Variants in RUVBL2 observed in about 807,000 individuals in gnomAD.
RUVBL2 encodes the protein ruvB-like 2.
In RUVBL2, 9 loss-of-function variants were observed where a neutral mutation model predicts 57.9. That is an observed-to-expected ratio of 0.16 (90% confidence interval 0.09 to 0.27). RUVBL2 has a LOEUF of 0.27. Among genes scored for constraint, RUVBL2 ranks in the 10% least tolerant of loss-of-function variants. The pLI, the probability that RUVBL2 is intolerant of heterozygous loss-of-function variation, is 1.00. For missense variants in RUVBL2, 456 were observed against 669.6 expected (o/e 0.68, Z 3.52); for synonymous variants, 278 against 264.6 (o/e 1.05, Z -0.49).
At chr19:48,993,741 G>A (rs115137682), upstream of RUVBL2, 6,646 of 797,496 alleles carry the variant, frequency 8.3e-3, 304 homozygotes, top group African/African-American at 0.098. Context: ...GTCTTCCAGC[G>A]CAGCCTCGGT....
chr19:49,009,895 G>C lies in RUVBL2; in HGVS notation c.569+13G>C, dbSNP rs764447634. ...AGGTCCAGGCCGGGTGAGCAGTCAGGGGCCATGCCAGGCAGCCAGGGGGAT... is the reference window on the plus strand; with the variant it reads ...AGGTCCAGGCCGGGTGAGCAGTCAGCGGCCATGCCAGGCAGCCAGGGGGAT... On this transcript the variant is annotated intron_variant, in intron 7 of 14. Coordinates refer to ENST00000595090, the MANE Select transcript of RUVBL2 (RefSeq NM_006666.3). 6.2e-7 allele frequency: 1 copy of C among 1,613,776 alleles called. No homozygotes were observed.
At position 49,014,471 on chromosome 19, in the gene RUVBL2, G is replaced by A. The variant is rs752391254; in HGVS notation, c.1002-13G>A. Reference sequence around the variant, plus strand: ...ATGCCCCTGACAGCCCCCTCTTTCTGCCTCTTCCTCAGAATCCGGGGCACC... The same window carrying A: ...ATGCCCCTGACAGCCCCCTCTTTCTACCTCTTCCTCAGAATCCGGGGCACC... On this transcript the variant is annotated splice_polypyrimidine_tract_variant and intron_variant, in intron 11 of 14. Coordinates refer to ENST00000595090, the MANE Select transcript of RUVBL2 (RefSeq NM_006666.3). 14 of 1,612,612 alleles carry A rather than the reference G, an allele frequency of 8.7e-6. No individual in the cohort carries two copies. The East Asian group carries it at 1.8e-4, about 21-fold the overall frequency.
intron 12 of RUVBL2, 21 bp from the exon 13 acceptor site, chr19:49,015,000 C>A (rs1568644455): frequency 3.2e-6 from 5 of 1,583,178 alleles, no homozygotes. Flanking sequence ...CTGAGCCACC[C>A]CTGTCCCCCA....
At chr19:48,993,583 TAA>T, upstream of RUVBL2, 1 of 486,858 alleles carries the variant, frequency 2.1e-6, no homozygotes, top group Non-Finnish European at 3.7e-6. Context: ...GAGGGTGGGA[TAA>T]AGAGGAAAGG....
chr19:49,013,086 C>T (rs1373864119), intron 11 of RUVBL2, among the ~76,000 whole-genome samples: 1 of 152,194 alleles, frequency 6.6e-6, no homozygotes, highest in Non-Finnish European at 1.5e-5. Context: ...GCCTCAGCCT[C>T]CTGAGTAGCT....
chr19:49,000,309 C>A (rs1444675619), intron 2 of RUVBL2, among the ~76,000 whole-genome samples: 2 of 152,264 alleles, frequency 1.3e-5, no homozygotes, highest in African/African-American at 4.8e-5. Context: ...AATTCCAGCA[C>A]TTTGGAAGGC....
chr19:49,014,754 C>T (rs946027600), intron 12 of RUVBL2, 151 bp downstream of exon 12: 12 of 1,197,740 alleles, frequency 1.0e-5, no homozygotes, highest in Middle Eastern at 2.8e-4. Context: ...GCCTCCGATC[C>T]GGGAGCAGGA....
chr19:48,995,836 A>T (rs2039045704), intron 1 of RUVBL2, among the ~76,000 whole-genome samples: 1 of 151,764 alleles, frequency 6.6e-6, no homozygotes, highest in Non-Finnish European at 1.5e-5. Context: ...ATACAAAAAA[A>T]ATTAGCCGGG....
chr19:48,995,166 G>A (rs1452490018), intron 1 of RUVBL2, among the ~76,000 whole-genome samples: 2 of 151,808 alleles, frequency 1.3e-5, no homozygotes, highest in African/African-American at 4.8e-5. Flanking sequence ...ATGAGGGGAC[G>A]GTGTGTGCTG....
In RUVBL2 at chr19:49,007,385, CTG is replaced by C; in HGVS notation, c.462+19_462+20del. The C allele has an allele frequency of 6.2e-7, 1 of 1,610,148 alleles. No individual in the cohort carries two copies. Among genetic ancestry groups the C allele is most frequent in the Non-Finnish European group, 8.5e-7 (1 of 1,177,458 alleles). ...ACAGGGACGGTGAGTCTGTGTGAGT[CTG>C]TACCCTGCTGAGGCCACCTCCAGCG... On this transcript the variant is annotated intron_variant, in intron 6 of 14. Transcript: ENST00000595090.
intron 4 of RUVBL2, among the ~76,000 whole-genome samples, chr19:49,005,345 C>T (rs1208840539): frequency 6.6e-6 from 1 of 151,928 alleles, no homozygotes; most frequent in Non-Finnish European, 1.5e-5. Flanking sequence ...CAAGGCCTGA[C>T]TTCAAAGAGC....
chr19:48,996,948 C>T (rs977803567), intron 1 of RUVBL2, among the ~76,000 whole-genome samples: 21 of 152,012 alleles, frequency 1.4e-4, no homozygotes, highest in Non-Finnish European at 2.5e-4. Flanking sequence ...CAGGTGGGAG[C>T]CACTACGCCC....
chr19:49,009,343 C>T (rs2039355179), intron 6 of RUVBL2, among the ~76,000 whole-genome samples: 1 of 148,962 alleles, frequency 6.7e-6, no homozygotes, highest in South Asian at 2.1e-4. Flanking sequence ...AAAAATTAGC[C>T]ATGCGTGGTG....
intron 4 of RUVBL2, among the ~76,000 whole-genome samples, chr19:49,006,357 G>A (rs570017799): frequency 4.2e-4 from 64 of 152,356 alleles, no homozygotes; most frequent in African/African-American, 1.5e-3. Flanking sequence ...CTTCCTGCCA[G>A]CCACCCCAGG....
rs1453315150 is a variant in RUVBL2, at chr19:49,007,002, A to G, written c.266-16A>G. 15 of 1,611,948 alleles carry G rather than the reference A, an allele frequency of 9.3e-6. No individual in the cohort carries two copies. The highest frequency in any genetic ancestry group is 2.2e-5 in the East Asian group (1 of 44,872). Reference sequence around the variant, plus strand: ...TGCCAGAGCGGCTTCACCTACACAGACTGCCTCCTTCCCAGGCATGGCGCA... The same window carrying G: ...TGCCAGAGCGGCTTCACCTACACAGGCTGCCTCCTTCCCAGGCATGGCGCA... On this transcript the variant is annotated splice_polypyrimidine_tract_variant and intron_variant, in intron 4 of 14. Coordinates refer to ENST00000595090, the MANE Select transcript of RUVBL2 (RefSeq NM_006666.3).
At chr19:48,994,066 C>A in intron 1 of RUVBL2, 143 bp downstream of exon 1, 1 of 639,810 alleles carries the variant, frequency 1.6e-6, no homozygotes, top group South Asian at 2.0e-5. Flanking sequence ...GGAGGAAGCT[C>A]GGCCACCCAG....
At chr19:48,993,755 A>G (rs2038992808), upstream of RUVBL2, 7 of 916,522 alleles carry the variant, frequency 7.6e-6, no homozygotes, top group African/African-American at 3.3e-5. Context: ...CCTCGGTGGG[A>G]GGGCGGGGCA....
At position 49,003,140 on chromosome 19, in the gene RUVBL2, G is replaced by A; in HGVS notation, c.68-139G>A. 4 of 755,464 alleles carry A rather than the reference G, an allele frequency of 5.3e-6. No homozygotes were observed. The South Asian group carries it at 5.8e-5, about 11-fold the overall frequency. 46.8% of individuals were successfully genotyped at this position (755,464 alleles called of 1,614,324 possible). A position where few individuals can be genotyped will look rare whatever the true frequency, so the allele number is the denominator to read the frequency against. On this transcript the variant is annotated intron_variant, in intron 2 of 14. Transcript: ENST00000595090. ...CCAATTTGGGATATCCTTTCCATGT[G>A]CCCCTTCATTCCCCCAACCCCTGCT...
chr19:49,015,433 C>A, intron 13 of RUVBL2, 139 bp from the exon 14 acceptor site: 1 of 769,104 alleles, frequency 1.3e-6, no homozygotes, highest in Non-Finnish European at 2.2e-6. Context: ...AGGATTTGAA[C>A]CCAGGCAATC....
Sources: allele counts gnomAD v4.1 joint callset (sites outside exome capture counted in the v4.1 genomes callset), GRCh38; gene constraint gnomAD v4.1.1; transcripts MANE v1.5; gene names NCBI Gene and HGNC (gene_info 2026-07-23, HGNC 2026-07-21).